Variants in CDKL5 observed in about 807,000 individuals in gnomAD.
CDKL5 encodes cyclin dependent kinase like 5, also known as cyclin-dependent kinase-like 5.
In CDKL5, 8 loss-of-function variants were observed where a neutral mutation model predicts 61.7. The ratio of observed to expected loss-of-function variants is 0.13; its 90% CI spans 0.08 to 0.23. The LOEUF (loss-of-function observed/expected upper bound fraction) is 0.23, where lower values mean the gene tolerates loss of function less well. CDKL5 is among the 10% of genes least tolerant of loss of function. CDKL5 has a pLI of 1.00. For missense variants in CDKL5, 440 were observed against 734.5 expected (o/e 0.60, Z 4.63); for synonymous variants, 275 against 272.3 (o/e 1.01, Z -0.10).
chrX:18,434,428 A>C, intron 1 of CDKL5, among the ~76,000 whole-genome samples: 1 of 111,543 alleles, frequency 9.0e-6, no homozygotes, highest in Non-Finnish European at 1.9e-5. Flanking sequence ...CACTGGTCTG[A>C]TATTAATATT....
intron 9 of CDKL5, among the ~76,000 whole-genome samples, chrX:18,592,768 A>G (rs775860729): frequency 8.9e-6 from 1 of 112,315 alleles, no homozygotes; most frequent in Non-Finnish European, 1.9e-5. Context: ...AGCACATGGG[A>G]CATGTAAACT....
intron 3 of CDKL5, among the ~76,000 whole-genome samples, chrX:18,559,355 C>T (rs1191693915): frequency 2.7e-5 from 3 of 111,017 alleles, no homozygotes; most frequent in South Asian, 3.9e-4. Flanking sequence ...ATTATAGGCA[C>T]GCGCCACCAT....
At chrX:18,544,146 C>A (rs2052627916) in intron 3 of CDKL5, among the ~76,000 whole-genome samples, 1 of 111,942 alleles carries the variant, frequency 8.9e-6, no homozygotes, top group Non-Finnish European at 1.9e-5. Context: ...AAGCTGTGGT[C>A]CCATGATCCT....
intron 3 of CDKL5, among the ~76,000 whole-genome samples, chrX:18,525,062 A>G (rs1385490184): frequency 2.7e-5 from 3 of 111,360 alleles, no homozygotes; most frequent in African/African-American, 6.5e-5. Flanking sequence ...GGTTGGGACT[A>G]TAGGCTCATG....
chrX:18,432,922 G>A (rs1339199540), intron 1 of CDKL5, among the ~76,000 whole-genome samples: 1 of 112,215 alleles, frequency 8.9e-6, no homozygotes, highest in Non-Finnish European at 1.9e-5. Context: ...TCTAAAAGAT[G>A]TCCTTAAAAA....
In CDKL5 at chrX:18,650,956, C is replaced by G. The variant is rs757199144; in HGVS notation, c.2980+364C>G. On this transcript the variant is annotated intron_variant, in intron 21 of 21. Coordinates refer to the CDKL5 transcript ENST00000379989. ...AGATTGTAGAGTTCGTAGAGCACAG[C>G]GTCTTGCCAAAAAGCAGCAGGTGCA... 2.7e-5 allele frequency among the ~76,000 whole-genome samples: 3 copies of G among 112,078 alleles called. No individual in the cohort carries two copies. In the East Asian group the frequency reaches 8.4e-4, roughly 32 times the overall value.
intron 15 of CDKL5, among the ~76,000 whole-genome samples, chrX:18,618,347 C>T (rs1052618276): frequency 8.9e-6 from 1 of 111,764 alleles, no homozygotes; most frequent in South Asian, 3.8e-4. Flanking sequence ...ACGTATAATT[C>T]TTTAACCTCT....
Position 18,553,452 on chromosome X carries a change from T to TTG in CDKL5, c.100-11014_100-11013dup, listed in dbSNP as rs1308797573. The stretch of plus-strand genomic sequence containing the variant: ...TATCACTGACTTGGCTTGAAGGCAG[T>TTG]TGTGTGTGTGTGCGTGTGTGTGTGT... On this transcript the variant is annotated intron_variant, in intron 3 of 17. Transcript: ENST00000623535. Among the ~76,000 whole-genome samples, 308 of 102,406 alleles carry TTG rather than the reference T, an allele frequency of 3.0e-3. 1 individual carries two copies. The highest frequency in any genetic ancestry group is 0.01 in the African/African-American group (278 of 26,843). The allele number at this position is 102,406 out of a possible 115,157, so 88.9% of individuals were successfully genotyped here. A position where few individuals can be genotyped will look rare whatever the true frequency, so the allele number is the denominator to read the frequency against.
exon 22 of CDKL5, chrX:18,653,606 T>G: frequency 8.8e-7 from 1 of 1,140,927 alleles, no homozygotes. Context: ...AAGAACCAAT[T>G]AACACCAATG....
At chrX:18,551,903 A>G (rs984270041) in intron 3 of CDKL5, among the ~76,000 whole-genome samples, 2 of 109,233 alleles carry the variant, frequency 1.8e-5, no homozygotes, top group African/African-American at 6.7e-5. Flanking sequence ...GAAACTTTCT[A>G]AAGCATAGAA....
chrX:18,580,076 A>T, intron 6 of CDKL5, 108 bp downstream of exon 6: 2 of 676,054 alleles, frequency 3.0e-6, no homozygotes, highest in Non-Finnish European at 4.6e-6. Flanking sequence ...TGGCATTGCC[A>T]TTTAAATTAA....
rs951941971 is a variant in CDKL5, at chrX:18,633,403, G to A, written c.*4646G>A. 22 of 752,111 alleles carry A rather than the reference G, an allele frequency of 2.9e-5. No individual in the cohort carries two copies. The highest frequency in any genetic ancestry group is 3.3e-5 in the Non-Finnish European group (21 of 638,358). 62.0% of individuals were successfully genotyped at this position (752,111 alleles called of 1,213,427 possible). On this transcript the variant is annotated 3_prime_UTR_variant, in exon 18 of 18. Coordinates refer to ENST00000623535, the MANE Select transcript of CDKL5 (RefSeq NM_001323289.2). ...GTACAAAGGTTGTAAGTGTCCTGTC[G>A]CTAATTCCCAGGGCCAGAATCTCAC...
At chrX:18,566,626 G>A (rs1276129644) in intron 4 of CDKL5, among the ~76,000 whole-genome samples, 1 of 111,930 alleles carries the variant, frequency 8.9e-6, no homozygotes, top group Non-Finnish European at 1.9e-5. Context: ...TGTAAGAGTT[G>A]AGGTGTGGAT....
In CDKL5 at chrX:18,640,131, T is replaced by G. The variant is rs770170712; in HGVS notation, c.*11374T>G. 1 of 111,465 alleles carries G rather than the reference T, an allele frequency of 9.0e-6. No individual in the cohort carries two copies. The highest frequency in any genetic ancestry group is 1.9e-5 in the Non-Finnish European group (1 of 53,135). The allele number at this position is 111,465 out of a possible 1,213,427, so 9.2% of individuals were successfully genotyped here. On this transcript the variant is annotated 3_prime_UTR_variant, in exon 18 of 18. Coordinates refer to ENST00000623535, the MANE Select transcript of CDKL5 (RefSeq NM_001323289.2). ...CCAAAAGTCATCAAATTGTACACTT[T>G]AAATGGATACAAATTGTATGTGAAC...
intron 3 of CDKL5, among the ~76,000 whole-genome samples, chrX:18,555,075 T>C (rs1924551189): frequency 9.0e-6 from 1 of 111,334 alleles, no homozygotes; most frequent in South Asian, 3.8e-4. Context: ...CACAAAATGG[T>C]TAAAATGAAT....
chrX:18,435,238 G>C (rs1450493884), intron 1 of CDKL5, among the ~76,000 whole-genome samples: 3 of 111,326 alleles, frequency 2.7e-5, no homozygotes, highest in African/African-American at 9.8e-5. Context: ...AGGTTTGTCA[G>C]CCGCTTATGG....
chrX:18,434,394 A>G (rs1232250277), intron 1 of CDKL5, among the ~76,000 whole-genome samples: 1 of 111,337 alleles, frequency 9.0e-6, no homozygotes, highest in Non-Finnish European at 1.9e-5. Flanking sequence ...TGGATTTTTA[A>G]TGGCAAACAG....
chrX:18,484,937 T>G (rs1921734959), intron 1 of CDKL5, among the ~76,000 whole-genome samples: 1 of 110,362 alleles, frequency 9.1e-6, no homozygotes, highest in African/African-American at 3.3e-5. Flanking sequence ...TTTGTAATTT[T>G]TAGTAGAGCC....
rs754408666 is a variant in CDKL5, at chrX:18,570,450, C to T, written c.146-4904C>T. Among the ~76,000 whole-genome samples, 101 of 111,743 alleles carry T rather than the reference C, an allele frequency of 9.0e-4. 2 individuals are homozygous for T. Among genetic ancestry groups the T allele is most frequent in the African/African-American group, 3.2e-3 (99 of 30,768 alleles). ...TCTTTCTTGGTGTATGTAACAGTAGCACTAGCATTCAAACTCCCTCAGCCA... is the reference window on the plus strand; with the variant it reads ...TCTTTCTTGGTGTATGTAACAGTAGTACTAGCATTCAAACTCCCTCAGCCA... On this transcript the variant is annotated intron_variant, in intron 4 of 17. Transcript: ENST00000623535.
Sources: allele counts gnomAD v4.1 joint callset (sites outside exome capture counted in the v4.1 genomes callset), GRCh38; gene constraint gnomAD v4.1.1; transcripts MANE v1.5; gene names NCBI Gene and HGNC (gene_info 2026-07-23, HGNC 2026-07-21).